The following ARHGAP24 variants were observed in gnomAD, a reference collection of about 807,000 sequenced individuals.
ARHGAP24 encodes the protein rho GTPase-activating protein 24.
ARHGAP24 carries 50 observed loss-of-function variants against 76.4 expected under a neutral mutation model. The ratio of observed to expected loss-of-function variants is 0.65; its 90% CI spans 0.52 to 0.83. The LOEUF is 0.83. Ranked by LOEUF, ARHGAP24 falls within the 40% of genes least tolerant of loss-of-function variation. The probability of loss-of-function intolerance (pLI) is 0.00; values close to 1 mark genes in which losing one functional copy is unlikely to be tolerated. For missense variants in ARHGAP24, 930 were observed against 914.2 expected (o/e 1.02, Z -0.22); for synonymous variants, 345 against 323.3 (o/e 1.07, Z -0.72).
chr4:85,530,175 C>G (rs1725201735), intron 1 of ARHGAP24, among the ~76,000 whole-genome samples: 1 of 140,280 alleles, frequency 7.1e-6, no homozygotes, highest in Non-Finnish European at 1.5e-5. Flanking sequence ...TTTCAAGCTA[C>G]TTTTAATTTT....
Position 85,942,184 on chromosome 4 carries a change from AGAG to A in ARHGAP24, c.512_514del (p.Glu171del). The A allele has an allele frequency of 6.2e-7, 1 of 1,614,140 alleles. No individual in the cohort carries two copies. Among genetic ancestry groups the A allele is most frequent in the Non-Finnish European group, 8.5e-7 (1 of 1,180,014 alleles). ...TTATCCGACAAAGGGGGCTGAAAGA[AGAG>A]GGTCTCTTTCGACTGCCAGGCCAGG... On this transcript the variant is annotated inframe_deletion, in exon 5 of 10. Coordinates refer to ENST00000395184, the MANE Select transcript of ARHGAP24 (RefSeq NM_001025616.3).
chr4:85,843,133 C>A (rs1730697759), intron 3 of ARHGAP24, among the ~76,000 whole-genome samples: 1 of 152,156 alleles, frequency 6.6e-6, no homozygotes, highest in African/African-American at 2.4e-5. Context: ...TTTCAATTTT[C>A]ATGACTGCCT....
chr4:85,723,996 A>C (rs754524194), intron 3 of ARHGAP24, among the ~76,000 whole-genome samples: 2 of 152,156 alleles, frequency 1.3e-5, no homozygotes, highest in Non-Finnish European at 2.9e-5. Context: ...CAATTTTTTC[A>C]ATGGTGTAAT....
intron 1 of ARHGAP24, among the ~76,000 whole-genome samples, chr4:85,489,974 T>C (rs537503043): frequency 5.3e-5 from 8 of 152,308 alleles, no homozygotes; most frequent in African/African-American, 1.7e-4. Flanking sequence ...TAAAATTATA[T>C]TGAACTATTT....
intron 3 of ARHGAP24, among the ~76,000 whole-genome samples, chr4:85,765,078 G>A (rs1182251850): frequency 1.3e-5 from 2 of 152,032 alleles, no homozygotes; most frequent in African/African-American, 2.4e-5. Context: ...TTAAGTGAAT[G>A]ATTTAGCCTA....
chr4:85,898,237 C>G (rs1015359859), intron 3 of ARHGAP24, among the ~76,000 whole-genome samples: 6 of 151,728 alleles, frequency 4.0e-5, no homozygotes, highest in Non-Finnish European at 7.4e-5. Flanking sequence ...GTTGGAAAAA[C>G]AGCCAATAGA....
chr4:85,651,382 T>G (rs1313098757), intron 2 of ARHGAP24, among the ~76,000 whole-genome samples: 1 of 149,146 alleles, frequency 6.7e-6, no homozygotes, highest in Non-Finnish European at 1.5e-5. Flanking sequence ...TGAATTATTT[T>G]TGTAGTAGGA....
chr4:85,600,398 CA>C (rs1719992216), intron 2 of ARHGAP24, among the ~76,000 whole-genome samples: 1 of 152,092 alleles, frequency 6.6e-6, no homozygotes, highest in African/African-American at 2.4e-5. Context: ...TCACTGTGCA[CA>C]TTGGGTACAG....
chr4:85,481,279 C>T (rs1201989661), intron 1 of ARHGAP24, among the ~76,000 whole-genome samples: 1 of 152,162 alleles, frequency 6.6e-6, no homozygotes, highest in Non-Finnish European at 1.5e-5. Context: ...GTAATGTAGA[C>T]TTGAACATCA....
intron 3 of ARHGAP24, among the ~76,000 whole-genome samples, chr4:85,884,737 AT>A (rs1049436092): frequency 2.6e-5 from 4 of 152,002 alleles, no homozygotes; most frequent in African/African-American, 9.7e-5. Flanking sequence ...AAATTCATTG[AT>A]TTTTTTTCTC....
intron 3 of ARHGAP24, among the ~76,000 whole-genome samples, chr4:85,755,621 C>CTTTTTTTTTT (rs1333998454): frequency 9.4e-5 from 2 of 21,296 alleles, no homozygotes; most frequent in Non-Finnish European, 2.0e-3. Context: ...AGCTTCTATT[C>CTTTTTTTTTT]TTTTGTTTTG....
At chr4:85,489,081 A>G (rs1723261305) in intron 1 of ARHGAP24, among the ~76,000 whole-genome samples, 1 of 152,222 alleles carries the variant, frequency 6.6e-6, no homozygotes, top group African/African-American at 2.4e-5. Context: ...ATTTTCAATT[A>G]ATTCAGCCTT....
At chr4:85,900,949 GCTGT>G (rs1184610453) in intron 3 of ARHGAP24, among the ~76,000 whole-genome samples, 7 of 152,166 alleles carry the variant, frequency 4.6e-5, no homozygotes, top group Non-Finnish European at 1.0e-4. Context: ...CACAACTGAT[GCTGT>G]CTTAGTCACC....
chr4:85,950,954 A>G (rs1737579664), intron 5 of ARHGAP24, among the ~76,000 whole-genome samples: 1 of 152,106 alleles, frequency 6.6e-6, no homozygotes, highest in Non-Finnish European at 1.5e-5. Context: ...GCTAGGATTA[A>G]CAGGTGTGCA....
chr4:85,680,162 G>A lies in ARHGAP24; in HGVS notation c.181-41723G>A, dbSNP rs982998077. ...CATCTCTAATATTATGAATCTGATC[G>A]GCATGAGCAGTACAAGGGAACTTTC... On this transcript the variant is annotated intron_variant, in intron 2 of 9. Transcript: ENST00000395184. Among the ~76,000 whole-genome samples, 6 of 152,078 alleles carry A rather than the reference G, an allele frequency of 3.9e-5. No homozygotes were observed. In the South Asian group the frequency reaches 8.3e-4, roughly 21 times the overall value.
chr4:85,493,365 G>A (rs781374784), intron 1 of ARHGAP24, among the ~76,000 whole-genome samples: 3 of 152,168 alleles, frequency 2.0e-5, no homozygotes, highest in Non-Finnish European at 4.4e-5. Flanking sequence ...GCCAAATGGC[G>A]ATTTTCTATC....
At chr4:85,724,491 GTATATATATATATATATATA>G (rs60930279) in intron 3 of ARHGAP24, among the ~76,000 whole-genome samples, 526 of 10,716 alleles carry the variant, frequency 0.049, 7 homozygotes, top group Non-Finnish European at 0.22. Context: ...TTCCATGTGT[GTATATATATATATATATATA>G]TATATATATA....
intron 3 of ARHGAP24, among the ~76,000 whole-genome samples, chr4:85,818,254 C>A (rs1433595136): frequency 6.6e-6 from 1 of 152,130 alleles, no homozygotes; most frequent in Non-Finnish European, 1.5e-5. Flanking sequence ...GTTTATAGAC[C>A]AGAGGTTCTC....
At chr4:85,866,613 A>G (rs1268636933) in intron 3 of ARHGAP24, among the ~76,000 whole-genome samples, 3 of 152,112 alleles carry the variant, frequency 2.0e-5, no homozygotes, top group Non-Finnish European at 2.9e-5. Context: ...GGTTTGAGAA[A>G]TTCCAGTACT....
Sources: allele counts gnomAD v4.1 joint callset (sites outside exome capture counted in the v4.1 genomes callset), GRCh38; gene constraint gnomAD v4.1.1; transcripts MANE v1.5; gene names NCBI Gene and HGNC (gene_info 2026-07-23, HGNC 2026-07-21).